The following PRPSAP2 variants were observed in gnomAD, a reference collection of about 807,000 sequenced individuals.
The protein encoded by PRPSAP2 is phosphoribosyl pyrophosphate synthetase associated protein 2, also known as phosphoribosyl pyrophosphate synthase-associated protein 2.
In PRPSAP2, 24 loss-of-function variants were observed where a neutral mutation model predicts 40.6. That is an observed-to-expected ratio of 0.59 (90% CI 0.43 to 0.83). PRPSAP2 has a LOEUF of 0.83. PRPSAP2 is among the 40% of genes least tolerant of loss of function. The pLI, the probability that PRPSAP2 is intolerant of heterozygous loss-of-function variation, is 0.00. For missense variants in PRPSAP2, 292 were observed against 465.6 expected, an observed-to-expected ratio of 0.63 and a Z score of 3.43; for synonymous variants, 149 against 164.7, an observed-to-expected ratio of 0.90 and a Z score of 0.73.
At chr17:18,927,440 G>GATTC in intron 10 of PRPSAP2, among the ~76,000 whole-genome samples, 1 of 152,182 alleles carries the variant, frequency 6.6e-6, no homozygotes, top group East Asian at 1.9e-4. Context: ...AACCTACCAT[G>GATTC]ATTCCCCTGA....
intron 7 of PRPSAP2, among the ~76,000 whole-genome samples, chr17:18,883,934 A>T (rs891572783): frequency 6.6e-6 from 1 of 152,072 alleles, no homozygotes; most frequent in South Asian, 2.1e-4. Context: ...AATGTAAAAT[A>T]TTCTGCTTTT....
chr17:18,895,287 G>A (rs7209853), intron 8 of PRPSAP2, among the ~76,000 whole-genome samples: 79,946 of 151,118 alleles, frequency 0.53, 21,371 homozygotes, highest in Middle Eastern at 0.59. Flanking sequence ...TGTTAGAGAC[G>A]GGGGTCTGAC....
intron 9 of PRPSAP2, among the ~76,000 whole-genome samples, chr17:18,921,989 C>T (rs1304307545): frequency 6.6e-6 from 1 of 152,184 alleles, no homozygotes; most frequent in Non-Finnish European, 1.5e-5. Context: ...ACCATGCCCC[C>T]ATCCCCCAGC....
rs952439961 is a variant in PRPSAP2, at chr17:18,911,953, C to T, written c.733+702C>T. Among the ~76,000 whole-genome samples, 3 of 151,932 alleles carry T rather than the reference C, an allele frequency of 2.0e-5. No homozygotes were observed. The highest frequency in any genetic ancestry group is 4.2e-4 in the South Asian group (2 of 4,812). On this transcript the variant is annotated intron_variant, in intron 9 of 11. Coordinates refer to ENST00000268835, the MANE Select transcript of PRPSAP2 (RefSeq NM_002767.4). This position sits in a 1 kb window ranked among gnomAD's most constrained non-coding sequence, Gnocchi z 4.5. Reference sequence around the variant, plus strand: ...ATCCCAACACTTTGGGAGGCCGAGGCGGGTGAATCACCTGAGGTCAGGAGT... The same window carrying T: ...ATCCCAACACTTTGGGAGGCCGAGGTGGGTGAATCACCTGAGGTCAGGAGT...
chr17:18,867,198 T>A (rs963766288), intron 3 of PRPSAP2, 84 bp from the exon 4 acceptor site: 1 of 1,292,556 alleles, frequency 7.7e-7, no homozygotes, highest in South Asian at 1.3e-5. Context: ...TTTACTCTTA[T>A]CGATTTACGA....
At chr17:18,915,945 G>T (rs959521696) in intron 9 of PRPSAP2, among the ~76,000 whole-genome samples, 2 of 151,464 alleles carry the variant, frequency 1.3e-5, no homozygotes, top group African/African-American at 4.9e-5. Flanking sequence ...TCAGCCTCCC[G>T]AGTAGCTGGG....
At chr17:18,883,083 T>G (rs1476278847) in intron 7 of PRPSAP2, among the ~76,000 whole-genome samples, 3 of 152,152 alleles carry the variant, frequency 2.0e-5, no homozygotes, top group African/African-American at 7.2e-5. Context: ...TCATCATAAC[T>G]TAGAGCTGCT....
intron 7 of PRPSAP2, 97 bp downstream of exon 7, chr17:18,882,780 T>A: frequency 1.3e-6 from 1 of 777,252 alleles, no homozygotes; most frequent in Non-Finnish European, 2.2e-6. Flanking sequence ...TAAAACTTGA[T>A]GTATTGTACT....
At chr17:18,929,859 T>C (rs2042168023) in intron 11 of PRPSAP2, 1 of 152,204 alleles carries the variant, frequency 6.6e-6, no homozygotes, top group African/African-American at 2.4e-5. Flanking sequence ...TTCTCTTCTC[T>C]TGGATACGTA....
rs1415382794 is a variant in PRPSAP2, at chr17:18,899,474, A to G, written c.584+9597A>G. Among the ~76,000 whole-genome samples the G allele has an allele frequency of 3.4e-5, 3 of 88,668 alleles. No homozygotes were observed. In the East Asian group the frequency reaches 1.0e-3, roughly 30 times the overall value. 58.2% of individuals were successfully genotyped at this position (88,668 alleles called of 152,430 possible). A position where few individuals can be genotyped will look rare whatever the true frequency, so the allele number is the denominator to read the frequency against. On this transcript the variant is annotated intron_variant, in intron 8 of 11. Coordinates refer to ENST00000268835, the MANE Select transcript of PRPSAP2 (RefSeq NM_002767.4). ...GATTCTTTCCTTGACCTCCATTATTATTTTCACTGTAACTTCCATTCTGCT... is the reference window on the plus strand; with the variant it reads ...GATTCTTTCCTTGACCTCCATTATTGTTTTCACTGTAACTTCCATTCTGCT...
chr17:18,917,862 G>A (rs918134132), intron 9 of PRPSAP2, among the ~76,000 whole-genome samples: 4 of 151,742 alleles, frequency 2.6e-5, no homozygotes, highest in African/African-American at 9.7e-5. Context: ...GGTCTTAAGC[G>A]ATAAGAGTCA....
At chr17:18,929,926 C>G (rs1436545842) in intron 11 of PRPSAP2, 4 of 152,220 alleles carry the variant, frequency 2.6e-5, no homozygotes, top group African/African-American at 9.6e-5. Flanking sequence ...TTTCAAGGAG[C>G]TGCCAGACTG....
chr17:18,856,547 T>C (rs1396926047), upstream of PRPSAP2: 1 of 152,218 alleles, frequency 6.6e-6, no homozygotes, highest in African/African-American at 2.4e-5. Context: ...TCTCACCTAA[T>C]TTACAATTCG....
At chr17:18,908,670 A>C in intron 8 of PRPSAP2, 1 of 722,412 alleles carries the variant, frequency 1.4e-6, no homozygotes, top group South Asian at 1.5e-5. Context: ...GCCCCAAGCC[A>C]GAGCTGCTGG....
chr17:18,873,261 T>C (rs1292588748), intron 5 of PRPSAP2, among the ~76,000 whole-genome samples: 1 of 147,060 alleles, frequency 6.8e-6, no homozygotes, highest in Non-Finnish European at 1.5e-5. Context: ...TGACGCGATC[T>C]CGGCTTACCG....
At chr17:18,912,526 G>A (rs764747797) in intron 9 of PRPSAP2, among the ~76,000 whole-genome samples, 4 of 152,034 alleles carry the variant, frequency 2.6e-5, no homozygotes, top group Non-Finnish European at 4.4e-5. Context: ...TGTTAACTCC[G>A]GGTAAGTCTT....
Position 18,928,928 on chromosome 17 carries a change from C to T in PRPSAP2, c.922C>T (p.Arg308Trp), listed in dbSNP as rs1219764566. The T allele has an allele frequency of 3.1e-6, 5 of 1,613,956 alleles. No individual in the cohort carries two copies. Among genetic ancestry groups the T allele is most frequent in the South Asian group, 1.1e-5 (1 of 91,066 alleles). Reference sequence around the variant, plus strand: ...TGGCTTGTTGTCTTCTGACGCCCCCCGGCGGATTGAAGAGTCTGCCATTGA... The same window carrying T: ...TGGCTTGTTGTCTTCTGACGCCCCCTGGCGGATTGAAGAGTCTGCCATTGA... ...THGLLSSDAP[R>W]RIEESAIDEV... is the part of the protein sequence containing the mutation. Residue 308 changes from arginine (R) to tryptophan (W), a missense_variant, in exon 11 of 12, where the codon CGG (arginine) becomes TGG (tryptophan). Arg to Trp is a moderately radical substitution (Grantham distance 101). This residue lies in a region of PRPSAP2 where 241 missense variants were observed against 425.7 expected (regional missense o/e 0.57). Coordinates refer to ENST00000268835, the MANE Select transcript of PRPSAP2 (RefSeq NM_002767.4).
chr17:18,867,293 T>A lies in PRPSAP2; in HGVS notation c.131T>A (p.Val44Glu), dbSNP rs1597523039. The change falls in exon 4 of 12, where the codon GTG becomes GAG. Residue 44 changes from valine to glutamate, a missense_variant. By Grantham distance (121) the Val-to-Glu change is moderately radical. Around this residue, in one of 2 missense-constraint regions of PRPSAP2, gnomAD observed 241 missense variants for 425.7 expected, o/e 0.57. Coordinates refer to ENST00000268835, the MANE Select transcript of PRPSAP2 (RefSeq NM_002767.4). The part of the protein sequence containing the change: ...LSKKIAERLG[V>E]EMGKVQVYQE... ...TTTCTCTTCTCTAGGCGGCTAGGGG[T>A]GGAGATGGGCAAAGTGCAGGTTTAC... is the stretch of plus-strand genomic sequence containing the variant. The A allele has an allele frequency of 1.2e-6, 2 of 1,613,732 alleles. No individual in the cohort carries two copies. The highest frequency in any genetic ancestry group is 1.7e-6 in the Non-Finnish European group (2 of 1,179,942).
rs1555554151 is a variant in PRPSAP2 at position 18,892,745 on chromosome 17, A to ATTTT, written c.584+2872_584+2875dup. 7.5e-4 allele frequency among the ~76,000 whole-genome samples: 94 copies of ATTTT among 125,722 alleles called. 1 individual carries two copies. Among genetic ancestry groups the ATTTT allele is most frequent in the Non-Finnish European group, 8.7e-4 (52 of 59,684 alleles). 82.5% of individuals were successfully genotyped at this position (125,722 alleles called of 152,430 possible). ...TGTGTGTGTATTTATTTATTTATTT[A>ATTTT]TTTTTTTGAGACAGAGTCTCGCTCT... On this transcript the variant is annotated intron_variant, in intron 8 of 11. Coordinates refer to ENST00000268835, the MANE Select transcript of PRPSAP2 (RefSeq NM_002767.4).
Sources: allele counts gnomAD v4.1 joint callset (sites outside exome capture counted in the v4.1 genomes callset), GRCh38; gene constraint gnomAD v4.1.1; regional missense constraint gnomAD v4.1.1; non-coding constraint Gnocchi (gnomAD v3.1); transcripts MANE v1.5; gene names NCBI Gene and HGNC (gene_info 2026-07-23, HGNC 2026-07-21).